The following SPATA17 variants were observed in gnomAD, a reference collection of about 807,000 sequenced individuals.
SPATA17 encodes the protein spermatogenesis-associated protein 17.
A neutral mutation model predicts 62.2 loss-of-function variants in SPATA17; 53 were observed. That is an observed-to-expected ratio of 0.85 (90% CI 0.68 to 1.07). The LOEUF is 1.07. Ranked by LOEUF, SPATA17 falls within the 50% of genes least tolerant of loss-of-function variation. The pLI is 0.00. For missense variants in SPATA17, 466 were observed against 425.5 expected (o/e 1.10, Z -0.84); for synonymous variants, 146 against 146.8 (o/e 0.99, Z 0.04).
intron 5 of SPATA17, among the ~76,000 whole-genome samples, chr1:217,709,936 C>A (rs1671819338): frequency 6.6e-6 from 1 of 152,074 alleles, no homozygotes; most frequent in African/African-American, 2.4e-5. Context: ...GTCTGAGTTT[C>A]AAAGAGAATA....
intron 5 of SPATA17, among the ~76,000 whole-genome samples, chr1:217,690,473 A>ATTTTTTTTTTTTTTTTTTTTTTTTTTTTT (rs60737502): frequency 1.3e-5 from 1 of 79,526 alleles, no homozygotes; most frequent in African/African-American, 5.1e-5. Flanking sequence ...TTTATTTTTT[A>ATTTTTTTTTTTTTTTTTTTTTTTTTTTTT]TTTTTTTTTT....
chr1:217,741,892 CA>C (rs1248236605), intron 5 of SPATA17, 82 bp from the exon 6 acceptor site: 4 of 1,543,440 alleles, frequency 2.6e-6, no homozygotes, highest in East Asian at 2.3e-5. Flanking sequence ...GGTTGCCCCT[CA>C]AAAAAACTGA....
chr1:217,688,715 G>A (rs1201892504), intron 5 of SPATA17, among the ~76,000 whole-genome samples: 2 of 152,156 alleles, frequency 1.3e-5, no homozygotes, highest in African/African-American at 4.8e-5. Flanking sequence ...TGTTGATAGA[G>A]TTGGGGCACT....
chr1:217,714,861 T>C (rs1671966348), intron 5 of SPATA17, among the ~76,000 whole-genome samples: 3 of 152,164 alleles, frequency 2.0e-5, no homozygotes, highest in Admixed American at 6.6e-5. Flanking sequence ...TTATCTAAAA[T>C]GTCAGGACAT....
intron 3 of SPATA17, among the ~76,000 whole-genome samples, chr1:217,660,526 A>C (rs1670542617): frequency 6.6e-6 from 1 of 152,220 alleles, no homozygotes; most frequent in Non-Finnish European, 1.5e-5. Flanking sequence ...GTTCAAAATT[A>C]GTCATCCCAT....
chr1:217,801,990 T>C, intron 9 of SPATA17, 140 bp downstream of exon 9: 1 of 902,334 alleles, frequency 1.1e-6, no homozygotes, highest in South Asian at 2.0e-5. Flanking sequence ...TAGGTAAAGA[T>C]GGTGCTGCTG....
chr1:217,838,739 A>G (rs1054825666), intron 9 of SPATA17, among the ~76,000 whole-genome samples: 2 of 152,130 alleles, frequency 1.3e-5, no homozygotes, highest in Admixed American at 6.6e-5. Context: ...TGAAAAAATC[A>G]GAGAACATTC....
chr1:217,791,467 T>C (rs2102982224), intron 8 of SPATA17, among the ~76,000 whole-genome samples: 1 of 152,326 alleles, frequency 6.6e-6, no homozygotes, highest in East Asian at 1.9e-4. Flanking sequence ...TTACTTTGGC[T>C]GTATAGTGAG....
chr1:217,827,968 G>T (rs963488425), intron 9 of SPATA17, among the ~76,000 whole-genome samples: 4 of 152,076 alleles, frequency 2.6e-5, no homozygotes, highest in African/African-American at 9.7e-5. Flanking sequence ...GATAGGTGCA[G>T]CAAACCACAG....
At chr1:217,790,622 A>G (rs1414839587) in intron 8 of SPATA17, among the ~76,000 whole-genome samples, 1 of 152,092 alleles carries the variant, frequency 6.6e-6, no homozygotes, top group East Asian at 1.9e-4. Context: ...TTGTATTTTT[A>G]GTAGAGACGG....
intron 6 of SPATA17, among the ~76,000 whole-genome samples, chr1:217,764,886 T>A (rs1166598101): frequency 6.6e-6 from 1 of 152,114 alleles, no homozygotes; most frequent in African/African-American, 2.4e-5. Context: ...GTTCTATAAT[T>A]TATTTAAATT....
At chr1:217,775,009 C>A (rs1673553331) in intron 7 of SPATA17, among the ~76,000 whole-genome samples, 1 of 152,124 alleles carries the variant, frequency 6.6e-6, no homozygotes. Flanking sequence ...TAAGAATATA[C>A]TCAGAAGTGG....
intron 9 of SPATA17, among the ~76,000 whole-genome samples, chr1:217,821,472 G>T (rs1674861177): frequency 6.6e-6 from 1 of 152,076 alleles, no homozygotes; most frequent in African/African-American, 2.4e-5. Flanking sequence ...CAAATAAAAT[G>T]AACAGTGAAA....
At chr1:217,859,949 T>C (rs1463823040) in intron 9 of SPATA17, among the ~76,000 whole-genome samples, 2 of 152,106 alleles carry the variant, frequency 1.3e-5, no homozygotes, top group Non-Finnish European at 2.9e-5. Context: ...TACTTTGTAA[T>C]TAATTTGCTC....
chr1:217,789,628 T>C (rs891398648), intron 8 of SPATA17, among the ~76,000 whole-genome samples: 1 of 152,092 alleles, frequency 6.6e-6, no homozygotes, highest in Admixed American at 6.6e-5. Flanking sequence ...AGGTCACACA[T>C]TAGTTTTGGC....
intron 6 of SPATA17, among the ~76,000 whole-genome samples, chr1:217,743,349 C>G (rs1169589354): frequency 6.6e-6 from 1 of 151,962 alleles, no homozygotes; most frequent in Non-Finnish European, 1.5e-5. Flanking sequence ...TATAGAATTT[C>G]AAATCAAAAA....
intron 6 of SPATA17, among the ~76,000 whole-genome samples, chr1:217,769,326 A>G (rs981867570): frequency 1.3e-5 from 2 of 152,200 alleles, no homozygotes; most frequent in Non-Finnish European, 2.9e-5. Context: ...GAATTTTCCA[A>G]TAGATCTGCT....
intron 9 of SPATA17, among the ~76,000 whole-genome samples, chr1:217,819,470 T>C (rs919506068): frequency 6.6e-6 from 1 of 151,950 alleles, no homozygotes; most frequent in East Asian, 1.9e-4. Flanking sequence ...GATTCAATGC[T>C]CTTCTCTATA....
intron 6 of SPATA17, among the ~76,000 whole-genome samples, chr1:217,755,289 G>A (rs984492019): frequency 1.3e-5 from 2 of 151,966 alleles, no homozygotes; most frequent in Non-Finnish European, 2.9e-5. Flanking sequence ...TCTTTTGACA[G>A]TTAGAAATAT....
Sources: gnomAD v4.1 joint callset for allele counts (sites outside exome capture counted in the v4.1 genomes callset) on GRCh38, gnomAD v4.1.1 for gene constraint, MANE v1.5 for transcripts, NCBI Gene and HGNC (gene_info 2026-07-23, HGNC 2026-07-21) for gene names.